Variants in KAZN observed in about 807,000 individuals in gnomAD.
KAZN encodes kazrin, periplakin interacting protein, also known as kazrin.
KAZN carries 40 observed loss-of-function variants against 87.4 expected under a neutral mutation model. That is an observed-to-expected ratio of 0.46 (90% confidence interval 0.36 to 0.60). The LOEUF (loss-of-function observed/expected upper bound fraction) is 0.60. Among genes scored for constraint, KAZN ranks in the 20% least tolerant of loss-of-function variants. KAZN has a pLI of 0.00. For synonymous variants in KAZN, 466 were observed against 458.3 expected, an observed-to-expected ratio of 1.02 and a Z score of -0.22; for missense variants, 898 against 1,073.9, an observed-to-expected ratio of 0.84 and a Z score of 2.29.
intron 1 of KAZN, among the ~76,000 whole-genome samples, chr1:14,794,076 A>C (rs1645761347): frequency 6.6e-6 from 1 of 152,208 alleles, no homozygotes; most frequent in South Asian, 2.1e-4. Context: ...CTTGAGCCTC[A>C]GCTCTCCTCT....
intron 1 of KAZN, among the ~76,000 whole-genome samples, chr1:13,945,679 T>TTGTGTGTGTGTG (rs60728794): frequency 0.046 from 5,677 of 123,078 alleles, 229 homozygotes; most frequent in Admixed American, 0.12. Flanking sequence ...TGCTCTCAGT[T>TTGTGTGTGTGTG]TGTGTGTGTG....
chr1:14,537,351 A>G (rs955163996), intron 2 of KAZN, among the ~76,000 whole-genome samples: 1 of 152,172 alleles, frequency 6.6e-6, no homozygotes, highest in Non-Finnish European at 1.5e-5. Flanking sequence ...CCTTCATGCC[A>G]CTCTTGAGCA....
intron 2 of KAZN, among the ~76,000 whole-genome samples, chr1:14,298,547 A>T (rs1654298263): frequency 6.6e-6 from 1 of 152,104 alleles, no homozygotes; most frequent in African/African-American, 2.4e-5. Flanking sequence ...TGTTCTTTTG[A>T]TATATATCTC....
intron 2 of KAZN, among the ~76,000 whole-genome samples, chr1:14,210,015 T>A (rs1304130381): frequency 6.6e-6 from 1 of 152,218 alleles, no homozygotes; most frequent in African/African-American, 2.4e-5. Context: ...GGCATTCATA[T>A]GCCTGTTTGA....
chr1:14,263,364 T>C (rs958195359), intron 2 of KAZN, among the ~76,000 whole-genome samples: 34 of 152,210 alleles, frequency 2.2e-4, no homozygotes, highest in African/African-American at 8.2e-4. Flanking sequence ...TGTTCCTCAT[T>C]TTTAGATGGC....
At chr1:14,155,536 C>T (rs1313819401) in intron 1 of KAZN, among the ~76,000 whole-genome samples, 1 of 151,952 alleles carries the variant, frequency 6.6e-6, no homozygotes, top group Non-Finnish European at 1.5e-5. Flanking sequence ...ATTTATTTCT[C>T]TTCTGATGTT....
chr1:14,247,706 A>T (rs186124378), intron 2 of KAZN, among the ~76,000 whole-genome samples: 1 of 152,362 alleles, frequency 6.6e-6, no homozygotes, highest in East Asian at 1.9e-4. Flanking sequence ...GATTGAGTAT[A>T]GATTCTTTAT....
intron 1 of KAZN, among the ~76,000 whole-genome samples, chr1:14,023,837 G>A (rs1448696960): frequency 1.3e-5 from 2 of 152,128 alleles, no homozygotes; most frequent in Non-Finnish European, 2.9e-5. Flanking sequence ...GACCTCTCCT[G>A]TCCTGAGATT....
chr1:14,359,336 C>T (rs1358359677), intron 2 of KAZN, among the ~76,000 whole-genome samples: 3 of 151,918 alleles, frequency 2.0e-5, no homozygotes, highest in East Asian at 1.9e-4. Flanking sequence ...TGTCTTTGCA[C>T]ATGAGATGGG....
intron 1 of KAZN, among the ~76,000 whole-genome samples, chr1:13,908,482 A>G (rs1639528032): frequency 6.6e-6 from 1 of 152,214 alleles, no homozygotes; most frequent in African/African-American, 2.4e-5. Flanking sequence ...CTAAGTGTTC[A>G]TTAAAAATCC....
At chr1:14,472,436 A>T (rs1668505314) in intron 2 of KAZN, among the ~76,000 whole-genome samples, 1 of 152,160 alleles carries the variant, frequency 6.6e-6, no homozygotes, top group Admixed American at 6.5e-5. Context: ...CCATCTTATG[A>T]CAATGCCATA....
rs1653549863 is a variant in KAZN, at chr1:14,883,308, GAA to G, written c.227-77374_227-77373del. 6.1e-4 allele frequency among the ~76,000 whole-genome samples: 30 copies of G among 48,954 alleles called. 1 individual carries two copies. Among genetic ancestry groups the G allele is most frequent in the East Asian group, 2.8e-3 (2 of 702 alleles). 32.1% of individuals were successfully genotyped at this position (48,954 alleles called of 152,430 possible). A position where few individuals can be genotyped will look rare whatever the true frequency, so the allele number is the denominator to read the frequency against. The stretch of plus-strand genomic sequence containing the variant: ...GAAACTCCATCTCAAAAGAAAGAAA[GAA>G]AGAAAGAAAGAGAGAGAGAGAGAGA... On this transcript the variant is annotated intron_variant, in intron 1 of 14. Transcript: ENST00000376030.
intron 2 of KAZN, among the ~76,000 whole-genome samples, chr1:14,514,439 G>T (rs1671146116): frequency 1.0e-3 from 8 of 7,830 alleles, no homozygotes; most frequent in Admixed American, 2.2e-3. Context: ...ATATATAATT[G>T]CAAAATATAT....
chr1:14,618,828 A>G (rs1385621525), intron 1 of KAZN, among the ~76,000 whole-genome samples: 1 of 152,246 alleles, frequency 6.6e-6, no homozygotes, highest in Non-Finnish European at 1.5e-5. Flanking sequence ...AGTGTTGACA[A>G]GGGACACTTT....
At chr1:15,062,974 C>T (rs1638920979) in intron 6 of KAZN, 1 of 152,992 alleles carries the variant, frequency 6.5e-6, no homozygotes, top group Non-Finnish European at 1.5e-5. Context: ...AGCACTGTGC[C>T]AGGAGGAATC....
intron 1 of KAZN, among the ~76,000 whole-genome samples, chr1:14,093,801 T>C (rs1644062650): frequency 6.6e-6 from 1 of 152,184 alleles, no homozygotes; most frequent in Non-Finnish European, 1.5e-5. Flanking sequence ...GCTTTATGCT[T>C]AGGTTCAATG....
At chr1:14,159,879 G>T (rs932756906) in intron 1 of KAZN, among the ~76,000 whole-genome samples, 7 of 152,200 alleles carry the variant, frequency 4.6e-5, no homozygotes, top group Non-Finnish European at 1.5e-5. Context: ...GGCCTAGGGT[G>T]TGTCTGGAAA....
At chr1:14,864,153 C>T (rs897188433) in intron 1 of KAZN, among the ~76,000 whole-genome samples, 1 of 152,176 alleles carries the variant, frequency 6.6e-6, no homozygotes, top group African/African-American at 2.4e-5. Context: ...AGGCTTAAAG[C>T]AAGTGCAAGG....
intron 1 of KAZN, among the ~76,000 whole-genome samples, chr1:13,987,476 TGTCATA>T (rs530754124): frequency 2.6e-5 from 4 of 152,238 alleles, no homozygotes; most frequent in Non-Finnish European, 5.9e-5. Flanking sequence ...TAGATTGCAA[TGTCATA>T]GTCATAAGCT....
Sources: allele counts gnomAD v4.1 joint callset (sites outside exome capture counted in the v4.1 genomes callset), GRCh38; gene constraint gnomAD v4.1.1; transcripts MANE v1.5; gene names NCBI Gene and HGNC (gene_info 2026-07-23, HGNC 2026-07-21).